GALNT1: variants seen among roughly 807,000 people sequenced by gnomAD.
GALNT1 encodes GalNAc transferase 1.
Under a neutral mutation model 65.7 loss-of-function variants are expected in GALNT1, and 17 were observed. The observed-to-expected ratio is 0.26, with a 90% CI of 0.18 to 0.39. The LOEUF (loss-of-function observed/expected upper bound fraction) is 0.39. Among genes scored for constraint, GALNT1 ranks in the 10% least tolerant of loss-of-function variants. The pLI, the probability that GALNT1 is intolerant of heterozygous loss-of-function variation, is 1.00. For synonymous variants in GALNT1, 210 were observed against 219.7 expected (o/e 0.96, Z 0.39); for missense variants, 460 against 672.8 (o/e 0.68, Z 3.50).
At chr18:35,661,944 C>G (rs986583844) in intron 2 of GALNT1, among the ~76,000 whole-genome samples, 4 of 152,104 alleles carry the variant, frequency 2.6e-5, no homozygotes, top group Non-Finnish European at 5.9e-5. Context: ...CTAGATGTCT[C>G]CCACCTACTC....
At chr18:35,652,516 T>G (rs2047324426) in intron 1 of GALNT1, among the ~76,000 whole-genome samples, 1 of 152,090 alleles carries the variant, frequency 6.6e-6, no homozygotes, top group Non-Finnish European at 1.5e-5. Context: ...CAAACCTGCC[T>G]TTTCACATCA....
chr18:35,659,044 C>T (rs1462265268), intron 2 of GALNT1, among the ~76,000 whole-genome samples: 1 of 152,064 alleles, frequency 6.6e-6, no homozygotes, highest in African/African-American at 2.4e-5. Context: ...ATAGGGCCTC[C>T]TGGATCTTTG....
chr18:35,622,920 G>A (rs2046872751), intron 1 of GALNT1, among the ~76,000 whole-genome samples: 1 of 151,888 alleles, frequency 6.6e-6, no homozygotes, highest in Non-Finnish European at 1.5e-5. Flanking sequence ...TTTGTTTTAA[G>A]TGTCTTAAAG....
chr18:35,676,408 A>C lies in GALNT1; in HGVS notation c.315-1183A>C, dbSNP rs368317075. 8.6e-4 allele frequency among the ~76,000 whole-genome samples: 131 copies of C among 152,216 alleles called. 5 individuals carry two copies. The South Asian group carries it at 0.027, about 31-fold the overall frequency. On this transcript the variant is annotated intron_variant, in intron 3 of 11. Coordinates refer to ENST00000269195, the MANE Select transcript of GALNT1 (RefSeq NM_020474.4). Reference sequence around the variant, plus strand: ...AAGGGCTGATGGGGCCCCTACGATGACTTCTTTCAACCCTTTTACCTTGTC... The same window carrying C: ...AAGGGCTGATGGGGCCCCTACGATGCCTTCTTTCAACCCTTTTACCTTGTC...
At chr18:35,630,932 A>G (rs1000008438) in intron 1 of GALNT1, among the ~76,000 whole-genome samples, 13 of 152,170 alleles carry the variant, frequency 8.5e-5, no homozygotes, top group East Asian at 1.9e-4. Flanking sequence ...ACACCTCTAC[A>G]CAAATAAACT....
chr18:35,703,751 A>G (rs1276782245), intron 11 of GALNT1, 108 bp downstream of exon 11: 3 of 1,075,952 alleles, frequency 2.8e-6, no homozygotes, highest in Non-Finnish European at 3.9e-6. Flanking sequence ...ATATGGATCA[A>G]ACTTGTCTTA....
chr18:35,601,031 T>G (rs1012592801), intron 1 of GALNT1, among the ~76,000 whole-genome samples: 1 of 152,142 alleles, frequency 6.6e-6, no homozygotes, highest in Non-Finnish European at 1.5e-5. Context: ...TAGTTCATCT[T>G]TTAAGTGTTT....
chr18:35,631,912 AACAG>A (rs985057885), intron 1 of GALNT1, among the ~76,000 whole-genome samples: 18 of 152,270 alleles, frequency 1.2e-4, no homozygotes, highest in African/African-American at 3.4e-4. Flanking sequence ...ATACACCAAT[AACAG>A]ACAGCCAAAT....
At chr18:35,631,586 C>A (rs921763883) in intron 1 of GALNT1, among the ~76,000 whole-genome samples, 1 of 152,084 alleles carries the variant, frequency 6.6e-6, no homozygotes, top group African/African-American at 2.4e-5. Context: ...TATGACAAAC[C>A]CACAGCCAAT....
chr18:35,594,133 A>G (rs1268362146), intron 1 of GALNT1, among the ~76,000 whole-genome samples: 1 of 152,030 alleles, frequency 6.6e-6, no homozygotes, highest in Non-Finnish European at 1.5e-5. Context: ...TGTCTCTGGC[A>G]TAACTTTGCC....
chr18:35,690,887 C>G (rs1310028373), intron 7 of GALNT1, 125 bp from the exon 8 acceptor site: 2 of 799,812 alleles, frequency 2.5e-6, no homozygotes, highest in East Asian at 2.6e-5. Context: ...ACAATATGTT[C>G]CATTTAAGTT....
At chr18:35,634,622 C>T (rs995790405) in intron 1 of GALNT1, among the ~76,000 whole-genome samples, 1 of 152,168 alleles carries the variant, frequency 6.6e-6, no homozygotes, top group Non-Finnish European at 1.5e-5. Context: ...TAGGGAACCT[C>T]ATTAGAGAGT....
chr18:35,703,406 C>A, intron 10 of GALNT1, 103 bp from the exon 11 acceptor site: 1 of 1,055,040 alleles, frequency 9.5e-7, no homozygotes, highest in Non-Finnish European at 1.4e-6. Flanking sequence ...GTACATAAAT[C>A]ATGTACCTTG....
Position 35,585,586 on chromosome 18 carries a change from G to A in GALNT1, c.-104+3724G>A, listed in dbSNP as rs566213808. On this transcript the variant is annotated intron_variant, in intron 1 of 11. Transcript: ENST00000269195. ...AGTCAAGATAGAGAAAATTTTCATG[G>A]CCACAAGATTTCCTTATGTTTTTTT... Among the ~76,000 whole-genome samples, 17 of 152,250 alleles carry A rather than the reference G, an allele frequency of 1.1e-4. No individual in the cohort carries two copies. The East Asian group carries it at 2.5e-3, about 22-fold the overall frequency.
rs185749757 is a variant in GALNT1 at position 35,617,412 on chromosome 18, C to T, written c.-104+35550C>T. Among the ~76,000 whole-genome samples the T allele has an allele frequency of 2.9e-3, 446 of 152,274 alleles. 8 individuals are homozygous for T. Among genetic ancestry groups the T allele is most frequent in the Admixed American group, 0.026 (392 of 15,282 alleles). The stretch of plus-strand genomic sequence containing the variant: ...AGTAAGATGTTAAATCCTAATTTAG[C>T]GTTTAGCTATCTGAAACACGTTTAA... On this transcript the variant is annotated intron_variant, in intron 1 of 11. Coordinates refer to ENST00000269195, the MANE Select transcript of GALNT1 (RefSeq NM_020474.4).
At chr18:35,634,106 T>A (rs1456404031) in intron 1 of GALNT1, among the ~76,000 whole-genome samples, 1 of 152,220 alleles carries the variant, frequency 6.6e-6, no homozygotes, top group Non-Finnish European at 1.5e-5. Flanking sequence ...AAGGTGCCTC[T>A]AGAAATAATA....
At chr18:35,638,968 C>G (rs1403251312) in intron 1 of GALNT1, among the ~76,000 whole-genome samples, 1 of 152,180 alleles carries the variant, frequency 6.6e-6, no homozygotes, top group Non-Finnish European at 1.5e-5. Flanking sequence ...TGAGTAGTTA[C>G]TTCTTATGGA....
intron 1 of GALNT1, among the ~76,000 whole-genome samples, chr18:35,645,452 CTCGA>C (rs1452494489): frequency 6.6e-6 from 1 of 151,976 alleles, no homozygotes; most frequent in Non-Finnish European, 1.5e-5. Context: ...CCAGGATGGT[CTCGA>C]TCTCCTGACC....
chr18:35,669,091 A>AAAAATT (rs2047591680), intron 3 of GALNT1, among the ~76,000 whole-genome samples: 1 of 152,210 alleles, frequency 6.6e-6, no homozygotes. Context: ...ACTACAAAAA[A>AAAAATT]TTAGCCAGGC....
Sources: allele counts gnomAD v4.1 joint callset (sites outside exome capture counted in the v4.1 genomes callset), GRCh38; gene constraint gnomAD v4.1.1; transcripts MANE v1.5; gene names NCBI Gene and HGNC (gene_info 2026-07-23, HGNC 2026-07-21).